Variants in JAKMIP2 observed in about 807,000 individuals in gnomAD.
The protein encoded by JAKMIP2 is janus kinase and microtubule-interacting protein 2.
A neutral mutation model predicts 115.0 loss-of-function variants in JAKMIP2; 25 were observed. The observed-to-expected ratio is 0.22, with a 90% CI of 0.16 to 0.30. The LOEUF is 0.30. Ranked by LOEUF, JAKMIP2 falls within the 10% of genes least tolerant of loss-of-function variation. The pLI is 1.00. For missense variants in JAKMIP2, 642 were observed against 957.6 expected (o/e 0.67, Z 4.35); for synonymous variants, 334 against 343.6 (o/e 0.97, Z 0.31).
intron 2 of JAKMIP2, among the ~76,000 whole-genome samples, chr5:147,663,814 C>T (rs190913719): frequency 9.2e-5 from 14 of 152,232 alleles, no homozygotes; most frequent in Admixed American, 3.9e-4. Context: ...CCTCAAATAA[C>T]CATCCTCTGA....
intron 10 of JAKMIP2, 36 bp downstream of exon 10, chr5:147,639,596 C>G (rs150810858): frequency 1.3e-6 from 2 of 1,589,184 alleles, no homozygotes; most frequent in East Asian, 4.5e-5. Flanking sequence ...GACTGCTGCA[C>G]GCTAATTCAG....
At chr5:147,775,309 T>C (rs756851682) in intron 1 of JAKMIP2, among the ~76,000 whole-genome samples, 24 of 152,190 alleles carry the variant, frequency 1.6e-4, no homozygotes, top group Non-Finnish European at 3.1e-4. Context: ...AATTTTTGAA[T>C]GGAGATAGGA....
In JAKMIP2 at chr5:147,782,502, C is replaced by T. The variant is rs921942896; in HGVS notation, c.-195G>A. The T allele has an allele frequency of 7.2e-6, 11 of 1,534,904 alleles. No individual in the cohort carries two copies. The Admixed American group carries it at 1.6e-4, about 22-fold the overall frequency. On this transcript the variant is annotated 5_prime_UTR_variant, in exon 1 of 22. Transcript: ENST00000616793. ...TGTTTAAAGGAGGGAGAGATGCAAA[C>T]TGAATCCATTTTCCTTGTGACCGAG... is the stretch of plus-strand genomic sequence containing the variant.
intron 21 of JAKMIP2, among the ~76,000 whole-genome samples, chr5:147,596,657 T>C (rs141836142): frequency 7.9e-5 from 12 of 152,278 alleles, no homozygotes; most frequent in African/African-American, 2.4e-4. Flanking sequence ...GGCACTGTTA[T>C]AGACACTAAA....
At chr5:147,728,008 G>A (rs1197745852) in intron 1 of JAKMIP2, among the ~76,000 whole-genome samples, 2 of 152,140 alleles carry the variant, frequency 1.3e-5, no homozygotes, top group Non-Finnish European at 2.9e-5. Flanking sequence ...AAACCCCAGG[G>A]ATTAAAAGCA....
chr5:147,756,341 T>G (rs61500793), intron 1 of JAKMIP2, among the ~76,000 whole-genome samples: 19,127 of 152,052 alleles, frequency 0.13, 1,728 homozygotes, highest in East Asian at 0.4. Context: ...CCCTCACTCC[T>G]TACTCTGGTA....
chr5:147,616,514 C>T (rs1756590497), intron 19 of JAKMIP2, among the ~76,000 whole-genome samples: 2 of 152,156 alleles, frequency 1.3e-5, no homozygotes, highest in Admixed American at 1.3e-4. Context: ...AACTATGAGT[C>T]CATCTTAAAA....
At position 147,599,974 on chromosome 5, in the gene JAKMIP2, C is replaced by T. The variant is rs77635845; in HGVS notation, c.*20+1767G>A. Among the ~76,000 whole-genome samples, 869 of 152,134 alleles carry T rather than the reference C, an allele frequency of 5.7e-3. 14 individuals are homozygous for T. Among genetic ancestry groups the T allele is most frequent in the African/African-American group, 0.02 (837 of 41,488 alleles). ...GCCAGCATTGATGTTAATGCTGAAG[C>T]CTATCCATTTTCTACCTAGTACTTA... is the stretch of plus-strand genomic sequence containing the variant. On this transcript the variant is annotated intron_variant, in intron 21 of 21. Coordinates refer to ENST00000616793, the MANE Select transcript of JAKMIP2 (RefSeq NM_001270941.2).
chr5:147,682,027 GA>G (rs1760308477), intron 1 of JAKMIP2, among the ~76,000 whole-genome samples: 1 of 139,686 alleles, frequency 7.2e-6, no homozygotes, highest in Non-Finnish European at 1.5e-5. Flanking sequence ...GTGACAGAAT[GA>G]AACTCTGTTT....
intron 1 of JAKMIP2, among the ~76,000 whole-genome samples, chr5:147,711,467 G>C (rs1014796197): frequency 3.3e-5 from 5 of 152,120 alleles, no homozygotes; most frequent in African/African-American, 9.7e-5. Context: ...TTAAAGAAAA[G>C]GAAGGCAAAG....
chr5:147,743,999 T>TTCCTTCC (rs1754251536), intron 1 of JAKMIP2, among the ~76,000 whole-genome samples: 1 of 111,984 alleles, frequency 8.9e-6, no homozygotes. Flanking sequence ...TCCTAACTTC[T>TTCCTTCC]TTCCTTCCTT....
intron 1 of JAKMIP2, among the ~76,000 whole-genome samples, chr5:147,761,543 T>C (rs1449916516): frequency 6.6e-6 from 1 of 152,088 alleles, no homozygotes; most frequent in African/African-American, 2.4e-5. Context: ...TTATCTAACT[T>C]TATCTTACAA....
rs1296727103 is a variant in JAKMIP2, at chr5:147,738,455, T to C, written c.-149+44001A>G. ...TGTATTTCCCCTATGTCATTATAGA[T>C]GAACATAACATTAACAAGACCTTCC... On this transcript the variant is annotated intron_variant, in intron 1 of 21. Transcript: ENST00000616793. Among the ~76,000 whole-genome samples the C allele has an allele frequency of 2.6e-5, 4 of 152,170 alleles. No homozygotes were observed. In the East Asian group the frequency reaches 7.7e-4, roughly 29 times the overall value.
intron 1 of JAKMIP2, among the ~76,000 whole-genome samples, chr5:147,739,883 G>A (rs1754079444): frequency 1.3e-5 from 2 of 152,126 alleles, no homozygotes; most frequent in East Asian, 1.9e-4. Flanking sequence ...ACTGATCAGA[G>A]AAGTCACAGC....
chr5:147,641,224 T>C (rs935568379), intron 8 of JAKMIP2, among the ~76,000 whole-genome samples: 5 of 152,142 alleles, frequency 3.3e-5, no homozygotes, highest in Non-Finnish European at 1.5e-5. Context: ...TAAAAACCAA[T>C]GGTATACTTG....
intron 1 of JAKMIP2, among the ~76,000 whole-genome samples, chr5:147,772,990 GAAGT>G (rs1755421945): frequency 2.6e-5 from 4 of 152,032 alleles, no homozygotes; most frequent in Admixed American, 2.6e-4. Context: ...CTTTAAAAAG[GAAGT>G]TGTTCTGTTT....
intron 1 of JAKMIP2, among the ~76,000 whole-genome samples, chr5:147,726,404 C>G (rs1003137673): frequency 6.6e-6 from 1 of 152,206 alleles, no homozygotes; most frequent in African/African-American, 2.4e-5. Context: ...AAAGGGAACA[C>G]AGAAGCCTGG....
intron 21 of JAKMIP2, among the ~76,000 whole-genome samples, chr5:147,601,166 C>T (rs987443775): frequency 2.0e-5 from 3 of 152,192 alleles, no homozygotes; most frequent in Non-Finnish European, 4.4e-5. Context: ...ATACAGTTAA[C>T]TGGAACAGAT....
intron 1 of JAKMIP2, among the ~76,000 whole-genome samples, chr5:147,714,724 G>A (rs1313074961): frequency 6.6e-6 from 1 of 152,162 alleles, no homozygotes; most frequent in African/African-American, 2.4e-5. Context: ...GTTACACTGA[G>A]AGCTGACTTC....
Sources: allele counts gnomAD v4.1 joint callset (sites outside exome capture counted in the v4.1 genomes callset), GRCh38; gene constraint gnomAD v4.1.1; transcripts MANE v1.5; gene names NCBI Gene and HGNC (gene_info 2026-07-23, HGNC 2026-07-21).